MTUS2: variants seen among roughly 807,000 people sequenced by gnomAD.
The protein encoded by MTUS2 is microtubule-associated tumor suppressor candidate 2.
Under a neutral mutation model 114.1 loss-of-function variants are expected in MTUS2, and 40 were observed. The observed-to-expected ratio is 0.35, with a 90% CI of 0.27 to 0.46. The LOEUF is 0.46. Among genes scored for constraint, MTUS2 ranks in the 20% least tolerant of loss-of-function variants. The pLI, the probability that MTUS2 is intolerant of heterozygous loss-of-function variation, is 1.00. For missense variants in MTUS2, 1,679 were observed against 1,705.4 expected, an observed-to-expected ratio of 0.98 and a Z score of 0.27; for synonymous variants, 688 against 672.0, an observed-to-expected ratio of 1.02 and a Z score of -0.37.
At position 29,026,755 on chromosome 13, in the gene MTUS2, G is replaced by A; in HGVS notation, c.2057G>A (p.Gly686Asp). ...CTTCCCCACGAAGAGAAGGCAGCAG[G>A]TGGTGACCTGAAGCCATCTGCCAAC... ...MPLPHEEKAA[G>D]GDLKPSANLY... Residue 686 changes from glycine to aspartate, a missense_variant, in exon 3 of 16, where the codon GGT (glycine) becomes GAT (aspartate). Physicochemically the swap from Gly to Asp is moderately conservative, Grantham distance 94 (BLOSUM62 -1). Around this residue, in one of 3 missense-constraint regions of MTUS2, gnomAD observed 822 missense variants for 899.7 expected, o/e 0.91. Coordinates refer to ENST00000612955, the MANE Select transcript of MTUS2 (RefSeq NM_001033602.4). The A allele has an allele frequency of 6.2e-7, 1 of 1,613,940 alleles. No individual in the cohort carries two copies. Among genetic ancestry groups the A allele is most frequent in the Non-Finnish European group, 8.5e-7 (1 of 1,179,890 alleles).
At chr13:29,077,048 CAA>C (rs994611741) in intron 4 of MTUS2, among the ~76,000 whole-genome samples, 16 of 152,170 alleles carry the variant, frequency 1.1e-4, no homozygotes, top group African/African-American at 3.9e-4. Flanking sequence ...AACTGAAATT[CAA>C]AGAGTTTGAG....
chr13:29,094,310 A>G (rs2138791635), intron 4 of MTUS2, among the ~76,000 whole-genome samples: 1 of 150,836 alleles, frequency 6.6e-6, no homozygotes, highest in Non-Finnish European at 1.5e-5. Context: ...AGAATTCACT[A>G]ATGACATCTG....
intron 2 of MTUS2, among the ~76,000 whole-genome samples, chr13:28,990,933 G>C (rs924258833): frequency 1.3e-5 from 2 of 151,626 alleles, no homozygotes. Flanking sequence ...CTCCGGATGC[G>C]CCACCTTTAA....
At position 29,504,924 on chromosome 13, in the gene MTUS2, A is replaced by C. The variant is rs1047469532; in HGVS notation, c.*1718A>C. The C allele has an allele frequency of 8.6e-6, 2 of 232,444 alleles. No homozygotes were observed. The highest frequency in any genetic ancestry group is 4.4e-5 in the African/African-American group (2 of 45,272). The allele number at this position is 232,444 out of a possible 1,614,324, so 14.4% of individuals were successfully genotyped here. ...TGTCCAGGGCACGCCTGCTCGGCACACGTGTTGCCAACGTGAAGGCAGACA... is the reference window on the plus strand; with the variant it reads ...TGTCCAGGGCACGCCTGCTCGGCACCCGTGTTGCCAACGTGAAGGCAGACA... On this transcript the variant is annotated 3_prime_UTR_variant, in exon 16 of 16. Transcript: ENST00000612955.
At chr13:29,123,888 C>T (rs555954332) in intron 5 of MTUS2, among the ~76,000 whole-genome samples, 2 of 152,350 alleles carry the variant, frequency 1.3e-5, no homozygotes, top group East Asian at 1.9e-4. Context: ...TGCCATCCCC[C>T]TGCAGATGCC....
chr13:29,168,711 A>T (rs188272340), intron 5 of MTUS2, among the ~76,000 whole-genome samples: 25 of 152,290 alleles, frequency 1.6e-4, no homozygotes, highest in African/African-American at 5.8e-4. Context: ...TAGCCTTGTG[A>T]ACAAATTTGC....
chr13:28,903,228 T>G (rs1395101051), intron 2 of MTUS2, among the ~76,000 whole-genome samples: 1 of 151,972 alleles, frequency 6.6e-6, no homozygotes, highest in Non-Finnish European at 1.5e-5. Context: ...GATAAATAAT[T>G]TGCAGTTGAC....
intron 5 of MTUS2, among the ~76,000 whole-genome samples, chr13:29,236,322 ATAAT>A (rs1316314426): frequency 6.6e-6 from 1 of 152,192 alleles, no homozygotes; most frequent in Non-Finnish European, 1.5e-5. Context: ...GTTCTATTAC[ATAAT>A]TAGAGTGAGA....
At chr13:29,113,789 T>C (rs1200609035) in intron 5 of MTUS2, among the ~76,000 whole-genome samples, 1 of 152,154 alleles carries the variant, frequency 6.6e-6, no homozygotes, top group Non-Finnish European at 1.5e-5. Context: ...ACTGGAACTT[T>C]AGGGTCCTGG....
intron 5 of MTUS2, among the ~76,000 whole-genome samples, chr13:29,147,817 A>G (rs186221257): frequency 6.6e-6 from 1 of 152,130 alleles, no homozygotes; most frequent in East Asian, 1.9e-4. Context: ...TATGTACCAC[A>G]TTTTCTTTGT....
At position 29,497,443 on chromosome 13, in the gene MTUS2, G is replaced by A. The variant is rs560609966; in HGVS notation, c.3678+107G>A. The A allele has an allele frequency of 1.2e-4, 114 of 932,534 alleles. No homozygotes were observed. In the African/African-American group the frequency reaches 1.3e-3, roughly 11 times the overall value. 57.8% of individuals were successfully genotyped at this position (932,534 alleles called of 1,614,324 possible). A position where few individuals can be genotyped will look rare whatever the true frequency, so the allele number is the denominator to read the frequency against. On this transcript the variant is annotated intron_variant, in intron 13 of 15. Transcript: ENST00000612955. ...CAAGACAAGGCCTCTCTGTGAATCC[G>A]CTGCTGAAGTGACAGCTGGTCACGA...
At chr13:29,289,464 C>CT (rs532952669) in intron 6 of MTUS2, among the ~76,000 whole-genome samples, 61,535 of 139,562 alleles carry the variant, frequency 0.44, 13,953 homozygotes, top group East Asian at 0.74. Context: ...GTAGGCATTT[C>CT]TTTTTTTTTT....
intron 1 of MTUS2, among the ~76,000 whole-genome samples, chr13:28,831,784 T>C (rs1874699615): frequency 6.6e-6 from 1 of 151,698 alleles, no homozygotes; most frequent in Admixed American, 6.6e-5. Flanking sequence ...TGAGACAGAG[T>C]CTCACTCTGC....
chr13:29,046,264 C>T (rs1391967661), intron 4 of MTUS2, among the ~76,000 whole-genome samples: 2 of 132,800 alleles, frequency 1.5e-5, no homozygotes, highest in Admixed American at 8.1e-5. Context: ...AGGCGTGCAC[C>T]ACCATACCTG....
chr13:29,111,606 G>A (rs1304908760), intron 5 of MTUS2, among the ~76,000 whole-genome samples: 1 of 152,158 alleles, frequency 6.6e-6, no homozygotes, highest in African/African-American at 2.4e-5. Flanking sequence ...CAAAAAGCAA[G>A]CAAACATAGC....
At chr13:29,488,871 A>T (rs1175287455) in intron 11 of MTUS2, among the ~76,000 whole-genome samples, 1 of 152,060 alleles carries the variant, frequency 6.6e-6, no homozygotes, top group Admixed American at 6.5e-5. Flanking sequence ...TTCCAGTGAG[A>T]TTTTCCTTTG....
intron 6 of MTUS2, among the ~76,000 whole-genome samples, chr13:29,297,460 C>T (rs1898998879): frequency 6.6e-6 from 1 of 152,198 alleles, no homozygotes; most frequent in South Asian, 2.1e-4. Flanking sequence ...CCCCCACACC[C>T]CTAGTCATAC....
chr13:29,222,786 C>G (rs1895958301), intron 5 of MTUS2, among the ~76,000 whole-genome samples: 1 of 152,248 alleles, frequency 6.6e-6, no homozygotes, highest in Admixed American at 6.5e-5. Flanking sequence ...CTCAGAAGTG[C>G]CTGCTGTCAC....
intron 2 of MTUS2, among the ~76,000 whole-genome samples, chr13:28,878,879 G>C (rs1878120474): frequency 6.6e-6 from 1 of 152,132 alleles, no homozygotes; most frequent in Admixed American, 6.5e-5. Context: ...ATGGTATTCT[G>C]GTTCTAGATC....
Sources: gnomAD v4.1 joint callset for allele counts (sites outside exome capture counted in the v4.1 genomes callset) on GRCh38, gnomAD v4.1.1 for gene constraint, gnomAD v4.1.1 regional missense constraint, MANE v1.5 for transcripts, NCBI Gene and HGNC (gene_info 2026-07-23, HGNC 2026-07-21) for gene names.